FAM167A: variants seen among roughly 807,000 people sequenced by gnomAD.
FAM167A encodes the protein protein FAM167A.
In FAM167A, 23 loss-of-function variants were observed where a neutral mutation model predicts 14.9. That is an observed-to-expected ratio of 1.55 (90% confidence interval 1.11 to 2.19). The LOEUF is 2.19. Among genes scored for constraint, FAM167A ranks in the 30% most tolerant of loss-of-function variants. The pLI is 0.00. For synonymous variants in FAM167A, 174 were observed against 117.7 expected (o/e 1.48, Z -3.10); for missense variants, 401 against 281.5 (o/e 1.42, Z -3.04).
chr8:11,444,704 C>T lies in FAM167A; in HGVS notation c.-293G>A. The T allele has an allele frequency of 8.4e-7, 1 of 1,193,638 alleles. No individual in the cohort carries two copies. Among genetic ancestry groups the T allele is most frequent in the Non-Finnish European group, 1.0e-6 (1 of 960,086 alleles). The allele number at this position is 1,193,638 out of a possible 1,614,324, so 73.9% of individuals were successfully genotyped here. On this transcript the variant is annotated 5_prime_UTR_variant, in exon 2 of 3. Coordinates refer to ENST00000284486, the MANE Select transcript of FAM167A (RefSeq NM_053279.3). Reference sequence around the variant, plus strand: ...AGACAGCGTCGCAGGAATCTCGGGGCAGCCTGTGCCAAGGTCTATCTGTCC... The same window carrying T: ...AGACAGCGTCGCAGGAATCTCGGGGTAGCCTGTGCCAAGGTCTATCTGTCC...
In FAM167A at chr8:11,433,366, G is replaced by A. The variant is rs763528927; in HGVS notation, c.382-8730C>T. ...ACAAATCCTCCCCTTTCCAACAAAA[G>A]TCTTACCCGAAACCCTATTAATAGT... On this transcript the variant is annotated intron_variant, in intron 2 of 2. Transcript: ENST00000284486. Among the ~76,000 whole-genome samples the A allele has an allele frequency of 2.6e-5, 4 of 152,038 alleles. No homozygotes were observed. In the East Asian group the frequency reaches 7.7e-4, roughly 29 times the overall value.
chr8:11,433,619 G>A (rs1343605199), intron 2 of FAM167A, among the ~76,000 whole-genome samples: 1 of 152,190 alleles, frequency 6.6e-6, no homozygotes, highest in Admixed American at 6.5e-5. Flanking sequence ...GTGTCCTGGA[G>A]AGCGTGGTAA....
chr8:11,439,776 T>A (rs1357681147), intron 2 of FAM167A, among the ~76,000 whole-genome samples: 1 of 152,190 alleles, frequency 6.6e-6, no homozygotes, highest in East Asian at 1.9e-4. Flanking sequence ...CGTGGAAGAC[T>A]TTATTGCCCC....
At chr8:11,460,625 G>A (rs1807501113) in intron 1 of FAM167A, among the ~76,000 whole-genome samples, 1 of 152,218 alleles carries the variant, frequency 6.6e-6, no homozygotes, top group African/African-American at 2.4e-5. Flanking sequence ...GCAACCACAT[G>A]CATTTTTTAA....
At chr8:11,445,534 G>C (rs1806733684) in intron 1 of FAM167A, 1 of 985,526 alleles carries the variant, frequency 1.0e-6, no homozygotes, top group Non-Finnish European at 1.2e-6. Flanking sequence ...CTAGAACGAG[G>C]CTTCTCGTGT....
chr8:11,441,765 G>A (rs1040988699), intron 2 of FAM167A, among the ~76,000 whole-genome samples: 1 of 152,156 alleles, frequency 6.6e-6, no homozygotes, highest in East Asian at 1.9e-4. Flanking sequence ...TAGTCTTGTT[G>A]TAAGAATCAG....
At chr8:11,472,145 A>G (rs1807978736), upstream of FAM167A, among the ~76,000 whole-genome samples, 1 of 152,210 alleles carries the variant, frequency 6.6e-6, no homozygotes, top group African/African-American at 2.4e-5. Flanking sequence ...GGGCCTCTCA[A>G]ATGTCAGGCT....
intron 2 of FAM167A, among the ~76,000 whole-genome samples, chr8:11,442,254 T>C (rs1248156034): frequency 6.6e-6 from 1 of 152,074 alleles, no homozygotes; most frequent in Admixed American, 6.5e-5. Flanking sequence ...GCATGACTTG[T>C]AGACTCGAGG....
rs774376018 is a variant in FAM167A at position 11,444,401 on chromosome 8, G to A, written c.11C>T (p.Pro4Leu). MSV[P>L]QIHVEEVGAE... ...ACCCACTTCTTCCACGTGGATCTGG[G>A]GCACAGACATTCTACAGTCTGCCCT... The change falls in exon 2 of 3, where the codon CCC (proline) becomes CTC (leucine). Residue 4 changes from proline (P) to leucine (L), a missense_variant. By Grantham distance (98) the Pro-to-Leu change is moderately conservative. Coordinates refer to ENST00000284486, the MANE Select transcript of FAM167A (RefSeq NM_053279.3). 3 of 1,549,470 alleles carry A rather than the reference G, an allele frequency of 1.9e-6. No individual in the cohort carries two copies. The highest frequency in any genetic ancestry group is 1.7e-6 in the Non-Finnish European group (2 of 1,147,866).
At chr8:11,442,384 C>A (rs891368403) in intron 2 of FAM167A, among the ~76,000 whole-genome samples, 1 of 152,018 alleles carries the variant, frequency 6.6e-6, no homozygotes, top group African/African-American at 2.4e-5. Flanking sequence ...CTAAAAGCTC[C>A]CCAGGTGGTT....
Position 11,444,686 on chromosome 8 carries a change from G to A in FAM167A, c.-275C>T, listed in dbSNP as rs1198010832. 1.3e-5 allele frequency: 16 copies of A among 1,227,432 alleles called. No homozygotes were observed. Among genetic ancestry groups the A allele is most frequent in the South Asian group, 1.2e-4 (4 of 32,174 alleles). The allele number at this position is 1,227,432 out of a possible 1,614,324, so 76.0% of individuals were successfully genotyped here. ...TCCACAGAAGGCAGGAACAGACAGCGTCGCAGGAATCTCGGGGCAGCCTGT... is the reference window on the plus strand; with the variant it reads ...TCCACAGAAGGCAGGAACAGACAGCATCGCAGGAATCTCGGGGCAGCCTGT... On this transcript the variant is annotated 5_prime_UTR_variant, in exon 2 of 3. In the 5' UTR this introduces an upstream ATG that the reference lacks. Transcript: ENST00000284486.
intron 1 of FAM167A, among the ~76,000 whole-genome samples, chr8:11,460,813 T>A (rs548402934): frequency 1.3e-5 from 2 of 151,970 alleles, no homozygotes; most frequent in African/African-American, 4.8e-5. Flanking sequence ...TGACTCCGAG[T>A]TGAACCCTGC....
chr8:11,446,582 T>C (rs1407697686), intron 1 of FAM167A: 1 of 152,224 alleles, frequency 6.6e-6, no homozygotes, highest in Non-Finnish European at 1.5e-5. Context: ...ATGGCCTAGC[T>C]CTACGTCTTG....
At chr8:11,458,978 C>G (rs1236591057) in intron 1 of FAM167A, among the ~76,000 whole-genome samples, 2 of 152,266 alleles carry the variant, frequency 1.3e-5, no homozygotes, top group African/African-American at 4.8e-5. Context: ...CCAGTTCTTC[C>G]CCCTGCTGCT....
At chr8:11,432,492 G>C (rs928928535) in intron 2 of FAM167A, among the ~76,000 whole-genome samples, 4 of 152,220 alleles carry the variant, frequency 2.6e-5, no homozygotes, top group African/African-American at 9.6e-5. Context: ...GGTCATTAGA[G>C]AAATGCAAAT....
intron 2 of FAM167A, among the ~76,000 whole-genome samples, chr8:11,434,407 G>A (rs1016792692): frequency 1.3e-5 from 2 of 152,174 alleles, no homozygotes; most frequent in Admixed American, 6.5e-5. Context: ...CATGCAGGAA[G>A]GAGACAGCAA....
intron 2 of FAM167A, among the ~76,000 whole-genome samples, chr8:11,431,709 C>A (rs1805603325): frequency 6.6e-6 from 1 of 151,776 alleles, no homozygotes; most frequent in Non-Finnish European, 1.5e-5. Context: ...GCAAGCGTGG[C>A]CGCAGGTGCT....
At chr8:11,448,541 G>A (rs943567302) in intron 1 of FAM167A, among the ~76,000 whole-genome samples, 5 of 152,164 alleles carry the variant, frequency 3.3e-5, no homozygotes, top group African/African-American at 7.2e-5. Flanking sequence ...TGACCTGCTG[G>A]GTGGCCCAAG....
chr8:11,444,909 A>C (rs1406054429), intron 1 of FAM167A, 101 bp from the exon 2 acceptor site: 9 of 916,200 alleles, frequency 9.8e-6, no homozygotes, highest in Non-Finnish European at 1.2e-5. Flanking sequence ...CTCAGAGTGG[A>C]CTGGTGGCTG....
Sources: allele counts gnomAD v4.1 joint callset (sites outside exome capture counted in the v4.1 genomes callset), GRCh38; gene constraint gnomAD v4.1.1; transcripts MANE v1.5; gene names NCBI Gene and HGNC (gene_info 2026-07-23, HGNC 2026-07-21).